XKRX: variants seen among roughly 807,000 people sequenced by gnomAD.
XKRX encodes the protein XK related X-linked.
XKRX carries 11 observed loss-of-function variants against 22.4 expected under a neutral mutation model. The ratio of observed to expected loss-of-function variants is 0.49; its 90% CI spans 0.31 to 0.81. The LOEUF (loss-of-function observed/expected upper bound fraction) is 0.81. Among genes scored for constraint, XKRX ranks in the 40% least tolerant of loss-of-function variants. XKRX has a pLI of 0.05. For missense variants in XKRX, 320 were observed against 336.5 expected (o/e 0.95, Z 0.38); for synonymous variants, 114 against 132.2 (o/e 0.86, Z 0.94).
the XKRX span, among the ~76,000 whole-genome samples, chrX:100,900,149 C>G: frequency 1.3e-4 from 14 of 111,893 alleles, no homozygotes; most frequent in East Asian, 3.7e-3. Flanking sequence ...GCAGCCTCAA[C>G]CTCCTGTGCT....
the XKRX span, among the ~76,000 whole-genome samples, chrX:100,898,022 G>A: frequency 1.1e-4 from 12 of 111,530 alleles, no homozygotes; most frequent in Non-Finnish European, 2.3e-4. Context: ...ATTAAAAGCC[G>A]AGGTCACTAA....
the XKRX span, among the ~76,000 whole-genome samples, chrX:100,940,635 T>G: frequency 9.0e-6 from 1 of 111,728 alleles, no homozygotes; most frequent in East Asian, 2.8e-4. Flanking sequence ...ATCTAATAGA[T>G]CTCAAACTTG....
At chrX:100,887,155 G>A in the XKRX span, among the ~76,000 whole-genome samples, 1 of 111,559 alleles carries the variant, frequency 9.0e-6, no homozygotes, top group Admixed American at 9.5e-5. Context: ...CAAGGTTTCT[G>A]AAGACAATGG....
the XKRX span, among the ~76,000 whole-genome samples, chrX:100,939,675 A>AAG: frequency 8.9e-6 from 1 of 112,072 alleles, no homozygotes; most frequent in Admixed American, 9.5e-5. Context: ...AAGTCATGGG[A>AAG]TCAGCTGACA....
chrX:100,907,853 A>G, the XKRX span, among the ~76,000 whole-genome samples: 1 of 111,483 alleles, frequency 9.0e-6, no homozygotes, highest in Non-Finnish European at 1.9e-5. Flanking sequence ...TATCTCCCAC[A>G]TCTCTTACAC....
At chrX:100,917,679 AAAGAAAG>A (rs1556194002) in intron 2 of XKRX, among the ~76,000 whole-genome samples, 3 of 86,131 alleles carry the variant, frequency 3.5e-5, no homozygotes, top group Non-Finnish European at 6.7e-5. Flanking sequence ...GAAAGAAAAG[AAAGAAAG>A]AAAGAAAGAA....
rs1204414 is a variant in XKRX at position 100,928,430 on chromosome X, G to T, written c.-126C>A. On this transcript the variant is annotated 5_prime_UTR_variant, in exon 1 of 3. Coordinates refer to ENST00000372956, the MANE Select transcript of XKRX (RefSeq NM_212559.3). ...GAGAGCTCTGTCAAGTCCAGTTTGG[G>T]AACAGAGATTCACTAGTTAGAGCAA... 5.9e-5 allele frequency: 67 copies of T among 1,133,904 alleles called. No individual in the cohort carries two copies. The highest frequency in any genetic ancestry group is 7.3e-5 in the Non-Finnish European group (63 of 861,989). 93.4% of individuals were successfully genotyped at this position (1,133,904 alleles called of 1,213,427 possible). A position where few individuals can be genotyped will look rare whatever the true frequency, so the allele number is the denominator to read the frequency against.
the XKRX span, among the ~76,000 whole-genome samples, chrX:100,945,180 G>T: frequency 1.0e-3 from 107 of 107,501 alleles, no homozygotes; most frequent in African/African-American, 3.5e-3. Flanking sequence ...CTGGGCTCAG[G>T]TGATCCTCCT....
At chrX:100,940,706 C>A in the XKRX span, among the ~76,000 whole-genome samples, 1 of 111,465 alleles carries the variant, frequency 9.0e-6, no homozygotes, top group Non-Finnish European at 1.9e-5. Context: ...GGCTCCAACC[C>A]AGAAAATTTG....
the XKRX span, among the ~76,000 whole-genome samples, chrX:100,907,918 T>A: frequency 8.9e-6 from 1 of 111,938 alleles, no homozygotes; most frequent in African/African-American, 3.2e-5. Flanking sequence ...CATTTTGAGA[T>A]ATCCATATAG....
chrX:100,936,596 A>AAAGG, the XKRX span, among the ~76,000 whole-genome samples: 5 of 106,333 alleles, frequency 4.7e-5, no homozygotes, highest in East Asian at 3.0e-4. Context: ...GAAAAAGAAG[A>AAAGG]AAGGAAGGAA....
Position 100,914,110 on chromosome X carries a change from T to C in XKRX, c.*228A>G. ...TTGGGTAAGAAGGGTGTGAATGGTATTTCTGACCCTTTCAACTATATAGTC... is the reference window on the plus strand; with the variant it reads ...TTGGGTAAGAAGGGTGTGAATGGTACTTCTGACCCTTTCAACTATATAGTC... On this transcript the variant is annotated 3_prime_UTR_variant, in exon 3 of 3. Coordinates refer to ENST00000372956, the MANE Select transcript of XKRX (RefSeq NM_212559.3). 1 of 417,809 alleles carries C rather than the reference T, an allele frequency of 2.4e-6. No homozygotes were observed. 34.4% of individuals were successfully genotyped at this position (417,809 alleles called of 1,213,427 possible). A position where few individuals can be genotyped will look rare whatever the true frequency, so the allele number is the denominator to read the frequency against.
chrX:100,892,653 C>T, the XKRX span, among the ~76,000 whole-genome samples: 4 of 112,420 alleles, frequency 3.6e-5, no homozygotes, highest in Non-Finnish European at 5.6e-5. Flanking sequence ...GTTAGGATGG[C>T]TACTTTCAAA....
chrX:100,930,867 C>T (rs931079778), upstream of XKRX, among the ~76,000 whole-genome samples: 1 of 110,688 alleles, frequency 9.0e-6, no homozygotes, highest in Non-Finnish European at 1.9e-5. Flanking sequence ...CGCGGTAGCT[C>T]ATGCCTGTAA....
chrX:100,904,302 C>CA, the XKRX span, among the ~76,000 whole-genome samples: 1 of 110,359 alleles, frequency 9.1e-6, no homozygotes, highest in Non-Finnish European at 1.9e-5. Flanking sequence ...AACAAACAAA[C>CA]AAAAAACAAA....
the XKRX span, among the ~76,000 whole-genome samples, chrX:100,900,470 G>T: frequency 4.5e-5 from 5 of 110,409 alleles, no homozygotes; most frequent in Non-Finnish European, 9.5e-5. Context: ...AATAAAGAAT[G>T]ATCATATCCA....
At chrX:100,954,947 G>T in the XKRX span, among the ~76,000 whole-genome samples, 1 of 111,734 alleles carries the variant, frequency 8.9e-6, no homozygotes, top group Non-Finnish European at 1.9e-5. Context: ...TACAGAGTTT[G>T]GGGCACGGGG....
chrX:100,904,318 C>A, the XKRX span, among the ~76,000 whole-genome samples: 8 of 111,273 alleles, frequency 7.2e-5, no homozygotes, highest in Non-Finnish European at 1.1e-4. Context: ...ACAAAAAAAA[C>A]ACCCAGACCT....
the XKRX span, among the ~76,000 whole-genome samples, chrX:100,950,541 T>C: frequency 8.9e-6 from 1 of 112,159 alleles, no homozygotes; most frequent in African/African-American, 3.2e-5. Flanking sequence ...CAAGGTCTAA[T>C]TGACATTTAC....
Sources: gnomAD v4.1 joint callset for allele counts (sites outside exome capture counted in the v4.1 genomes callset) on GRCh38, gnomAD v4.1.1 for gene constraint, MANE v1.5 for transcripts, NCBI Gene and HGNC (gene_info 2026-07-23, HGNC 2026-07-21) for gene names.